RIMBP2: variants seen among roughly 807,000 people sequenced by gnomAD.
RIMBP2 encodes the protein RIMS binding protein 2.
Under a neutral mutation model 118.6 loss-of-function variants are expected in RIMBP2, and 48 were observed. That is an observed-to-expected ratio of 0.40 (90% CI 0.32 to 0.51). The LOEUF (loss-of-function observed/expected upper bound fraction) is 0.51. Ranked by LOEUF, RIMBP2 falls within the 20% of genes least tolerant of loss-of-function variation. The probability of loss-of-function intolerance (pLI) is 0.41; values close to 1 mark genes in which losing one functional copy is unlikely to be tolerated. For synonymous variants in RIMBP2, 762 were observed against 742.9 expected (o/e 1.03, Z -0.42); for missense variants, 1,551 against 1,768.3 (o/e 0.88, Z 2.20).
chr12:130,675,735 G>C (rs1263039403), intron 1 of RIMBP2, among the ~76,000 whole-genome samples: 1 of 152,240 alleles, frequency 6.6e-6, no homozygotes, highest in Non-Finnish European at 1.5e-5. Flanking sequence ...AAAGTCTGGA[G>C]GTTCATGGTA....
rs2292671 is a variant in RIMBP2, at chr12:130,422,799, G to T, written c.3130-238C>A. 2.6e-4 allele frequency among the ~76,000 whole-genome samples: 40 copies of T among 152,064 alleles called. No homozygotes were observed. Among genetic ancestry groups the T allele is most frequent in the African/African-American group, 6.5e-4 (27 of 41,488 alleles). ...GGTGAGGGCAAAAATAATTCCTTGT[G>T]GGGGGGTCTCTTTTGGTTGCTGCTG... is the stretch of plus-strand genomic sequence containing the variant. On this transcript the variant is annotated intron_variant, in intron 16 of 22. Coordinates refer to ENST00000690449, the MANE Select transcript of RIMBP2 (RefSeq NM_001393629.1). This position sits in a 1 kb window ranked among gnomAD's most constrained non-coding sequence, Gnocchi z 5.2.
intron 4 of RIMBP2, among the ~76,000 whole-genome samples, chr12:130,483,594 C>T (rs192334715): frequency 2.7e-3 from 406 of 152,148 alleles, no homozygotes; most frequent in African/African-American, 9.0e-3. Flanking sequence ...GAGCCCCACG[C>T]GGCTGTGGGT....
At chr12:130,507,966 G>A (rs1486844473) in intron 3 of RIMBP2, among the ~76,000 whole-genome samples, 1 of 152,186 alleles carries the variant, frequency 6.6e-6, no homozygotes, top group Non-Finnish European at 1.5e-5. Context: ...TGGGAACAGG[G>A]TTACAGGAAA....
At chr12:130,535,738 C>CATATAT (rs55887629) in intron 2 of RIMBP2, among the ~76,000 whole-genome samples, 40 of 66,696 alleles carry the variant, frequency 6.0e-4, no homozygotes, top group South Asian at 1.5e-3. Flanking sequence ...CATATATATA[C>CATATAT]ATATATATAT....
At position 130,442,303 on chromosome 12, in the gene RIMBP2, T is replaced by C; in HGVS notation, c.1049A>G (p.Asn350Ser). The change falls in exon 11 of 23, where the codon AAC becomes AGC. Residue 350 changes from asparagine to serine, a missense_variant. This residue lies in a region of RIMBP2 where 265 missense variants were observed against 349.5 expected (regional missense o/e 0.76). Coordinates refer to ENST00000690449, the MANE Select transcript of RIMBP2 (RefSeq NM_001393629.1). This position sits in a 1 kb window ranked among gnomAD's most constrained non-coding sequence, Gnocchi z 6.9. ...PPGWGTVSSY[N>S]VLVDKETRMN... ...GCGTGTCTCCTTGTCCACCAGGACG[T>C]TGTAGCTGCTCACCGTTCCCCATCC... 1 of 1,614,194 alleles carries C rather than the reference T, an allele frequency of 6.2e-7. No homozygotes were observed.
At chr12:130,599,719 G>A (rs992116413) in intron 2 of RIMBP2, among the ~76,000 whole-genome samples, 5 of 152,176 alleles carry the variant, frequency 3.3e-5, no homozygotes, top group African/African-American at 1.2e-4. Flanking sequence ...ATGTGTTATA[G>A]TTGTACATAT....
At position 130,523,941 on chromosome 12, in the gene RIMBP2, A is replaced by G. The variant is rs561369058; in HGVS notation, c.-216-6024T>C. Among the ~76,000 whole-genome samples the G allele has an allele frequency of 4.6e-5, 7 of 152,330 alleles. No individual in the cohort carries two copies. The South Asian group carries it at 1.2e-3, about 27-fold the overall frequency. On this transcript the variant is annotated intron_variant, in intron 2 of 22. Transcript: ENST00000690449. The surrounding 1 kb of genome is among the most constrained non-coding windows in gnomAD (Gnocchi z 4.4). ...ACATAACAAAGGCATGTAAGGGCAC[A>G]GCAAGGTCTCTGGCTCTCAGGATCT...
chr12:130,676,363 G>A (rs897617559), intron 1 of RIMBP2, among the ~76,000 whole-genome samples: 5 of 148,590 alleles, frequency 3.4e-5, no homozygotes, highest in East Asian at 2.0e-4. Flanking sequence ...GGTTGCTCAC[G>A]CCTGTAACAC....
intron 2 of RIMBP2, among the ~76,000 whole-genome samples, chr12:130,604,577 C>CTTTTTTTTTTT (rs869251548): frequency 2.9e-5 from 2 of 68,152 alleles, no homozygotes; most frequent in African/African-American, 5.8e-5. Flanking sequence ...ACAGATGCCC[C>CTTTTTTTTTTT]TTTTCTTTCT....
At chr12:130,633,857 C>A (rs1042798626) in intron 1 of RIMBP2, 1 of 152,466 alleles carries the variant, frequency 6.6e-6, no homozygotes, top group African/African-American at 2.4e-5. Flanking sequence ...TCCAGGCCTC[C>A]CCGCCGGCCC....
chr12:130,602,674 A>G (rs1453800154), intron 2 of RIMBP2, among the ~76,000 whole-genome samples: 5 of 152,246 alleles, frequency 3.3e-5, no homozygotes, highest in Non-Finnish European at 7.3e-5. Context: ...AGTAACAGTC[A>G]TTAAAGAATT....
At chr12:130,632,788 GC>G in intron 1 of RIMBP2, among the ~76,000 whole-genome samples, 1 of 152,320 alleles carries the variant, frequency 6.6e-6, no homozygotes, top group Non-Finnish European at 1.5e-5. Flanking sequence ...ACCCTAATGA[GC>G]CCATGTAAAA....
At chr12:130,636,034 A>G (rs907151223) in intron 1 of RIMBP2, among the ~76,000 whole-genome samples, 28 of 152,148 alleles carry the variant, frequency 1.8e-4, no homozygotes, top group Non-Finnish European at 4.0e-4. Context: ...TGGTTCCGCT[A>G]AGCCCTCAAG....
chr12:130,486,825 A>T lies in RIMBP2; in HGVS notation c.-3-7809T>A, dbSNP rs146331736. Reference sequence around the variant, plus strand: ...CCTCATCTCTCCCCTAGACTATGGTAGACTACGGCAGAAGAGCCCTTTCTG... The same window carrying T: ...CCTCATCTCTCCCCTAGACTATGGTTGACTACGGCAGAAGAGCCCTTTCTG... On this transcript the variant is annotated intron_variant, in intron 4 of 22. Coordinates refer to ENST00000690449, the MANE Select transcript of RIMBP2 (RefSeq NM_001393629.1). Among the ~76,000 whole-genome samples the T allele has an allele frequency of 3.7e-3, 556 of 151,950 alleles. 2 individuals carry two copies. Among genetic ancestry groups the T allele is most frequent in the African/African-American group, 0.013 (522 of 41,456 alleles).
rs2065179021 is a variant in RIMBP2, at chr12:130,688,732, A to C, written c.-352+27490T>G. ...TTCTAAAGACCCCAAAACAGAGGCC[A>C]CATGGCCCCCTTGGGGCTCATACAG... On this transcript the variant is annotated intron_variant, in intron 1 of 22. Coordinates refer to ENST00000690449, the MANE Select transcript of RIMBP2 (RefSeq NM_001393629.1). The surrounding 1 kb of genome is among the most constrained non-coding windows in gnomAD (Gnocchi z 4.7). Among the ~76,000 whole-genome samples, 1 of 152,236 alleles carries C rather than the reference A, an allele frequency of 6.6e-6. No homozygotes were observed. The highest frequency in any genetic ancestry group is 2.1e-4 in the South Asian group (1 of 4,838).
chr12:130,402,416 G>A (rs73457105), intron 21 of RIMBP2, among the ~76,000 whole-genome samples: 32,261 of 152,036 alleles, frequency 0.21, 4,147 homozygotes, highest in Non-Finnish European at 0.29. Context: ...TCTTGAGTCT[G>A]CCTTCCCCTG....
chr12:130,438,334 A>AAACCC, intron 12 of RIMBP2, 31 bp downstream of exon 12: 2 of 1,344,514 alleles, frequency 1.5e-6, no homozygotes, highest in Non-Finnish European at 2.1e-6. Context: ...GGGCCTAACA[A>AAACCC]ACCCTCCCCA....
At chr12:130,398,347 T>G (rs1261995560) in intron 22 of RIMBP2, 2 of 152,466 alleles carry the variant, frequency 1.3e-5, no homozygotes, top group Non-Finnish European at 1.5e-5. Flanking sequence ...GAGTGTTTAG[T>G]ATTCAGCAGG....
intron 2 of RIMBP2, among the ~76,000 whole-genome samples, chr12:130,585,101 G>A (rs574918649): frequency 2.0e-4 from 31 of 152,192 alleles, no homozygotes; most frequent in Admixed American, 3.9e-4. Context: ...TGTTGCCCAG[G>A]CTGATCTCGA....
Sources: gnomAD v4.1 joint callset for allele counts (sites outside exome capture counted in the v4.1 genomes callset) on GRCh38, gnomAD v4.1.1 for gene constraint, gnomAD v4.1.1 regional missense constraint, Gnocchi (gnomAD v3.1) non-coding constraint, MANE v1.5 for transcripts, NCBI Gene and HGNC (gene_info 2026-07-23, HGNC 2026-07-21) for gene names.